MAP3K20: variants seen among roughly 807,000 people sequenced by gnomAD.
The protein encoded by MAP3K20 is HCCS-4.
MAP3K20 carries 40 observed loss-of-function variants against 85.7 expected under a neutral mutation model. The ratio of observed to expected loss-of-function variants is 0.47; its 90% CI spans 0.36 to 0.61. The LOEUF is 0.61. Among genes scored for constraint, MAP3K20 ranks in the 20% least tolerant of loss-of-function variants. The pLI, the probability that MAP3K20 is intolerant of heterozygous loss-of-function variation, is 0.00. For synonymous variants in MAP3K20, 325 were observed against 327.7 expected (o/e 0.99, Z 0.09); for missense variants, 817 against 961.7 (o/e 0.85, Z 1.99).
intron 1 of MAP3K20, among the ~76,000 whole-genome samples, chr2:173,079,290 A>T (rs1213075449): frequency 6.6e-6 from 1 of 152,216 alleles, no homozygotes; most frequent in Non-Finnish European, 1.5e-5. Flanking sequence ...TATCAAAGAT[A>T]AAAAATGGTA....
intron 2 of MAP3K20, among the ~76,000 whole-genome samples, chr2:173,132,433 G>T (rs938950124): frequency 6.6e-6 from 1 of 152,112 alleles, no homozygotes; most frequent in African/African-American, 2.4e-5. Context: ...AATCCTCTCC[G>T]AATGAGCAGT....
intron 2 of MAP3K20, among the ~76,000 whole-genome samples, chr2:173,149,540 A>G (rs1381978853): frequency 6.6e-6 from 1 of 151,996 alleles, no homozygotes; most frequent in Admixed American, 6.6e-5. Context: ...TGATCTAGTC[A>G]ATGCAAGTCT....
intron 2 of MAP3K20, among the ~76,000 whole-genome samples, chr2:173,138,707 C>G (rs757017693): frequency 2.6e-5 from 4 of 152,156 alleles, no homozygotes; most frequent in Non-Finnish European, 5.9e-5. Context: ...CCCTCTGTGT[C>G]TGTTGCTTTT....
At chr2:173,246,156 A>G (rs1302343906) in intron 16 of MAP3K20, among the ~76,000 whole-genome samples, 1 of 152,200 alleles carries the variant, frequency 6.6e-6, no homozygotes, top group Non-Finnish European at 1.5e-5. Flanking sequence ...CTTCATGAGG[A>G]AACTGAGGCA....
intron 2 of MAP3K20, among the ~76,000 whole-genome samples, chr2:173,162,395 T>C (rs7560960): frequency 6.6e-6 from 1 of 152,128 alleles, no homozygotes; most frequent in African/African-American, 2.4e-5. Context: ...CCTACAATTG[T>C]TGAGGACCGG....
chr2:173,135,892 TTTAAA>T (rs1329988263), intron 2 of MAP3K20, among the ~76,000 whole-genome samples: 1 of 152,264 alleles, frequency 6.6e-6, no homozygotes, highest in Admixed American at 6.5e-5. Flanking sequence ...ATTAACTGAA[TTTAAA>T]TTAACTAAAA....
intron 2 of MAP3K20, among the ~76,000 whole-genome samples, chr2:173,143,291 T>C (rs1326685771): frequency 1.3e-5 from 2 of 152,158 alleles, no homozygotes; most frequent in Non-Finnish European, 2.9e-5. Flanking sequence ...TTAAAAGATA[T>C]AACAATCATA....
Position 173,200,928 on chromosome 2 carries a change from G to A in MAP3K20, c.669+2816G>A, listed in dbSNP as rs143621233. 5.0e-3 allele frequency among the ~76,000 whole-genome samples: 762 copies of A among 152,140 alleles called. 4 individuals are homozygous for A. Among genetic ancestry groups the A allele is most frequent in the African/African-American group, 0.018 (730 of 41,506 alleles). ...ATTACAGGCATGAGCCAACGTGCCC[G>A]GCCAAAAAAGTTTTTTAAATTAACA... On this transcript the variant is annotated intron_variant, in intron 8 of 19. Coordinates refer to ENST00000375213, the MANE Select transcript of MAP3K20 (RefSeq NM_016653.3).
At chr2:173,089,152 G>A (rs1436563271) in intron 1 of MAP3K20, among the ~76,000 whole-genome samples, 1 of 151,064 alleles carries the variant, frequency 6.6e-6, no homozygotes, top group Non-Finnish European at 1.5e-5. Context: ...AGTTTATATG[G>A]ATACAAACCA....
chr2:173,179,306 T>G (rs1362953905), intron 3 of MAP3K20, among the ~76,000 whole-genome samples: 1 of 149,846 alleles, frequency 6.7e-6, no homozygotes, highest in African/African-American at 2.5e-5. Context: ...GGCAGGAGAA[T>G]GGTGTGAACC....
intron 11 of MAP3K20, chr2:173,225,750 G>A (rs1684370195): frequency 1.0e-6 from 1 of 984,946 alleles, no homozygotes; most frequent in Non-Finnish European, 1.2e-6. Context: ...TAGAATTACG[G>A]CAGCATACGA....
At chr2:173,179,760 A>G (rs1345305951) in intron 3 of MAP3K20, among the ~76,000 whole-genome samples, 1 of 151,450 alleles carries the variant, frequency 6.6e-6, no homozygotes, top group African/African-American at 2.4e-5. Context: ...AAAACTAACA[A>G]ACATGTTTAG....
intron 16 of MAP3K20, among the ~76,000 whole-genome samples, chr2:173,251,450 G>GC (rs1257063886): frequency 6.6e-6 from 1 of 152,184 alleles, no homozygotes; most frequent in Non-Finnish European, 1.5e-5. Context: ...CATTTTCTGA[G>GC]CCTCAGTCTC....
intron 11 of MAP3K20, among the ~76,000 whole-genome samples, chr2:173,220,071 A>AAAAAAAAAAAAAAG (rs1684197223): frequency 6.6e-6 from 1 of 151,692 alleles, no homozygotes; most frequent in Non-Finnish European, 1.5e-5. Flanking sequence ...CTGTCTCAAA[A>AAAAAAAAAAAAAAG]AAAAAAAGGA....
intron 11 of MAP3K20, chr2:173,225,562 C>A (rs1684359953): frequency 2.1e-6 from 2 of 973,208 alleles, no homozygotes; most frequent in Non-Finnish European, 2.4e-6. Context: ...CCACTACACT[C>A]CAGCCTGGAT....
Position 173,187,226 on chromosome 2 carries a change from C to A in MAP3K20, c.350-332C>A, listed in dbSNP as rs536252833. ...GGCAGATTTAGAAGGTAGTTGGTAG[C>A]GGAATACCTTAGTCGTGGAGCCCTC... is the stretch of plus-strand genomic sequence containing the variant. On this transcript the variant is annotated intron_variant, in intron 4 of 19. Transcript: ENST00000375213. Among the ~76,000 whole-genome samples, 9 of 152,270 alleles carry A rather than the reference C, an allele frequency of 5.9e-5. No individual in the cohort carries two copies. The South Asian group carries it at 8.3e-4, about 14-fold the overall frequency.
intron 9 of MAP3K20, among the ~76,000 whole-genome samples, chr2:173,206,659 C>T (rs1683696357): frequency 6.6e-6 from 1 of 152,182 alleles, no homozygotes; most frequent in African/African-American, 2.4e-5. Flanking sequence ...CAGTCTGGGC[C>T]TTACCTGGTA....
chr2:173,169,648 A>C (rs1689943540), intron 2 of MAP3K20, among the ~76,000 whole-genome samples, 157 bp from the exon 3 acceptor site: 1 of 152,092 alleles, frequency 6.6e-6, no homozygotes, highest in Non-Finnish European at 1.5e-5. Flanking sequence ...TGAGCCCAGG[A>C]GGCCAAGGCT....
At chr2:173,087,935 A>G (rs947799158) in intron 1 of MAP3K20, among the ~76,000 whole-genome samples, 4 of 152,198 alleles carry the variant, frequency 2.6e-5, no homozygotes, top group African/African-American at 9.7e-5. Flanking sequence ...GAAAAAGGTG[A>G]AGGAAATTCT....
Sources: allele counts gnomAD v4.1 joint callset (sites outside exome capture counted in the v4.1 genomes callset), GRCh38; gene constraint gnomAD v4.1.1; transcripts MANE v1.5; gene names NCBI Gene and HGNC (gene_info 2026-07-23, HGNC 2026-07-21).